The following SESN3 variants were observed in gnomAD, a reference collection of about 807,000 sequenced individuals.
The protein encoded by SESN3 is sestrin-3.
A neutral mutation model predicts 55.3 loss-of-function variants in SESN3; 21 were observed. That is an observed-to-expected ratio of 0.38 (90% CI 0.27 to 0.55). The LOEUF is 0.55. Among genes scored for constraint, SESN3 ranks in the 20% least tolerant of loss-of-function variants. The probability of loss-of-function intolerance (pLI) is 0.76; values close to 1 mark genes in which losing one functional copy is unlikely to be tolerated. For missense variants in SESN3, 408 were observed against 604.3 expected (o/e 0.68, Z 3.41); for synonymous variants, 181 against 203.1 (o/e 0.89, Z 0.93).
chr11:95,169,591 C>A lies in SESN3; in HGVS notation c.*3664G>T, dbSNP rs778190332. 6.6e-6 allele frequency: 1 copy of A among 152,136 alleles called. No individual in the cohort carries two copies. The highest frequency in any genetic ancestry group is 1.5e-5 in the Non-Finnish European group (1 of 67,998). 9.4% of individuals were successfully genotyped at this position (152,136 alleles called of 1,614,324 possible). A position where few individuals can be genotyped will look rare whatever the true frequency, so the allele number is the denominator to read the frequency against. ...CTTATTTTGCTAACACAGTGCAAAT[C>A]ATTTTTATAATATGCACTGAAATTT... On this transcript the variant is annotated 3_prime_UTR_variant, in exon 10 of 10. Transcript: ENST00000536441.
chr11:95,184,504 C>T lies in SESN3; in HGVS notation c.853G>A (p.Glu285Lys). The T allele has an allele frequency of 3.7e-6, 6 of 1,613,558 alleles. No homozygotes were observed. The highest frequency in any genetic ancestry group is 5.1e-6 in the Non-Finnish European group (6 of 1,179,684). ...TCCTTTTCAAAACGAGTGCTCATTT[C>T]TTCTTGAGACGCCTCTTCATCTTCC... ...EREDEEASQE[E>K]MSTRFEKEKK... The change falls in exon 6 of 10, where the codon GAA (glutamate) becomes AAA (lysine). Residue 285 changes from glutamate (E) to lysine (K), a missense_variant. Coordinates refer to ENST00000536441, the MANE Select transcript of SESN3 (RefSeq NM_144665.4).
At chr11:95,195,933 T>A (rs746088240) in intron 1 of SESN3, among the ~76,000 whole-genome samples, 1 of 152,208 alleles carries the variant, frequency 6.6e-6, no homozygotes, top group East Asian at 1.9e-4. Context: ...TTTTATTGTA[T>A]GCTTCTTTGT....
chr11:95,223,702 A>G (rs1483087046), intron 1 of SESN3, among the ~76,000 whole-genome samples: 1 of 152,154 alleles, frequency 6.6e-6, no homozygotes, highest in South Asian at 2.1e-4. Flanking sequence ...CAGTGGTATT[A>G]AGCTTTTTAT....
At chr11:95,197,186 C>T (rs1237289671) in intron 1 of SESN3, among the ~76,000 whole-genome samples, 3 of 152,138 alleles carry the variant, frequency 2.0e-5, no homozygotes, top group Non-Finnish European at 4.4e-5. Flanking sequence ...TAACTATATG[C>T]ATGATGTTGT....
At chr11:95,187,610 A>G (rs1860189764) in intron 4 of SESN3, among the ~76,000 whole-genome samples, 1 of 151,696 alleles carries the variant, frequency 6.6e-6, no homozygotes, top group Non-Finnish European at 1.5e-5. Context: ...ACAATTCCAC[A>G]TTTTGGGGAG....
Position 95,175,568 on chromosome 11 carries a change from G to C in SESN3, c.1322C>G (p.Thr441Ser). Reference protein sequence around the residue: ...RSLKVYIKTVTCYPERTTKRM... With the variant: ...RSLKVYIKTVSCYPERTTKRM... Reference sequence around the variant, plus strand: ...TTTTGTAGTTCTCTCAGGATAGCAGGTCACTGTCTTAATGTAAACCTTCAG... The same window carrying C: ...TTTTGTAGTTCTCTCAGGATAGCAGCTCACTGTCTTAATGTAAACCTTCAG... The change falls in exon 9 of 10, where the codon ACC (threonine) becomes AGC (serine). Residue 441 changes from threonine to serine, a missense_variant. Thr to Ser is a moderately conservative substitution (Grantham distance 58). Transcript: ENST00000536441. 1.9e-6 allele frequency: 3 copies of C among 1,613,580 alleles called. No homozygotes were observed. Among genetic ancestry groups the C allele is most frequent in the East Asian group, 2.2e-5 (1 of 44,856 alleles).
At chr11:95,175,181 T>C (rs1011001884) in intron 9 of SESN3, among the ~76,000 whole-genome samples, 1 of 152,106 alleles carries the variant, frequency 6.6e-6, no homozygotes, top group African/African-American at 2.4e-5. Flanking sequence ...CTGACTAACA[T>C]GGTGAAACCC....
intron 8 of SESN3, among the ~76,000 whole-genome samples, chr11:95,176,554 G>A (rs1343664416): frequency 6.6e-6 from 1 of 152,190 alleles, no homozygotes; most frequent in Non-Finnish European, 1.5e-5. Context: ...AATGACAGCA[G>A]AGTAAATGGG....
intron 7 of SESN3, 94 bp from the exon 8 acceptor site, chr11:95,178,003 G>T (rs1859990488): frequency 2.3e-6 from 2 of 867,660 alleles, no homozygotes; most frequent in Non-Finnish European, 3.5e-6. Context: ...AGTAAGCGAG[G>T]CTATTTCTAA....
rs1859812933 is a variant in SESN3 at position 95,169,662 on chromosome 11, C to T, written c.*3593G>A. 6.6e-6 allele frequency: 1 copy of T among 151,812 alleles called. No individual in the cohort carries two copies. The highest frequency in any genetic ancestry group is 1.5e-5 in the Non-Finnish European group (1 of 67,958). The allele number at this position is 151,812 out of a possible 1,614,324, so 9.4% of individuals were successfully genotyped here. ...TCCTTAGAGTTCAAAAGAATCTTAC[C>T]ATCATATAGGCATGCACCCTCCCTC... On this transcript the variant is annotated 3_prime_UTR_variant, in exon 10 of 10. Transcript: ENST00000536441.
intron 1 of SESN3, among the ~76,000 whole-genome samples, chr11:95,196,693 T>C (rs550625671): frequency 6.6e-6 from 1 of 152,282 alleles, no homozygotes; most frequent in African/African-American, 2.4e-5. Flanking sequence ...CTTAGCCACA[T>C]TAACCACATT....
intron 1 of SESN3, among the ~76,000 whole-genome samples, chr11:95,225,614 G>C (rs1194110017): frequency 1.3e-5 from 2 of 152,158 alleles, no homozygotes; most frequent in South Asian, 2.1e-4. Flanking sequence ...TTGTATGACT[G>C]AGACCAGGCC....
intron 2 of SESN3, among the ~76,000 whole-genome samples, chr11:95,192,332 G>A (rs367670116): frequency 8.5e-5 from 13 of 152,154 alleles, no homozygotes; most frequent in African/African-American, 2.4e-4. Context: ...GGTTCTGAAG[G>A]TGTTAAGAGT....
Position 95,225,578 on chromosome 11 carries a change from A to C in SESN3, c.78+5205T>G, listed in dbSNP as rs533468259. ...AGCTTATTACAAAGGCAGTATTAAG[A>C]ATTAAATGGATTTCTTTGTTATTAG... On this transcript the variant is annotated intron_variant, in intron 1 of 9. Coordinates refer to ENST00000536441, the MANE Select transcript of SESN3 (RefSeq NM_144665.4). Among the ~76,000 whole-genome samples the C allele has an allele frequency of 4.0e-4, 61 of 152,306 alleles. 1 individual carries two copies. The highest frequency in any genetic ancestry group is 1.4e-3 in the African/African-American group (59 of 41,574).
intron 1 of SESN3, among the ~76,000 whole-genome samples, chr11:95,223,330 C>T (rs1355975099): frequency 1.3e-5 from 2 of 152,184 alleles, no homozygotes; most frequent in African/African-American, 2.4e-5. Flanking sequence ...TTCCCCCACA[C>T]TTCTCAGCTT....
At chr11:95,220,126 G>C (rs1328143310) in intron 1 of SESN3, among the ~76,000 whole-genome samples, 2 of 152,132 alleles carry the variant, frequency 1.3e-5, no homozygotes, top group African/African-American at 4.8e-5. Context: ...GTAGGTAGGG[G>C]AATGATAACA....
rs1859843474 is a variant in SESN3, at chr11:95,171,207, G to A, written c.*2048C>T. 1 of 152,036 alleles carries A rather than the reference G, an allele frequency of 6.6e-6. No individual in the cohort carries two copies. Among genetic ancestry groups the A allele is most frequent in the Admixed American group, 6.5e-5 (1 of 15,272 alleles). 9.4% of individuals were successfully genotyped at this position (152,036 alleles called of 1,614,324 possible). On this transcript the variant is annotated 3_prime_UTR_variant, in exon 10 of 10. Coordinates refer to ENST00000536441, the MANE Select transcript of SESN3 (RefSeq NM_144665.4). Reference sequence around the variant, plus strand: ...GGTAAGTCAAATGGACATTTATGTTGCCATTTGTGTTTTGCCATTCTCCTA... The same window carrying A: ...GGTAAGTCAAATGGACATTTATGTTACCATTTGTGTTTTGCCATTCTCCTA...
intron 3 of SESN3, 152 bp from the exon 4 acceptor site, chr11:95,190,113 T>G (rs1190210214): frequency 8.4e-6 from 5 of 595,574 alleles, no homozygotes; most frequent in Middle Eastern, 4.5e-4. Context: ...TCCATCATAA[T>G]GATGTAATAG....
At chr11:95,226,508 T>C (rs1483391760) in intron 1 of SESN3, among the ~76,000 whole-genome samples, 3 of 152,194 alleles carry the variant, frequency 2.0e-5, no homozygotes, top group Non-Finnish European at 2.9e-5. Flanking sequence ...CATATAAATA[T>C]ACCAAGCAAC....
Sources: gnomAD v4.1 joint callset for allele counts (sites outside exome capture counted in the v4.1 genomes callset) on GRCh38, gnomAD v4.1.1 for gene constraint, MANE v1.5 for transcripts, NCBI Gene and HGNC (gene_info 2026-07-23, HGNC 2026-07-21) for gene names.